UGT2A2: variants seen among roughly 807,000 people sequenced by gnomAD.
The protein encoded by UGT2A2 is UDP-glucuronosyltransferase 2A2.
Under a neutral mutation model 50.7 loss-of-function variants are expected in UGT2A2, and 60 were observed. The observed-to-expected ratio is 1.18, with a 90% CI of 0.96 to 1.47. The LOEUF (loss-of-function observed/expected upper bound fraction) is 1.47, where lower values mean the gene tolerates loss of function less well. Ranked by LOEUF, UGT2A2 falls within the 40% of genes most tolerant of loss-of-function variation. UGT2A2 has a pLI of 0.00. For missense variants in UGT2A2, 762 were observed against 634.0 expected, an observed-to-expected ratio of 1.20 and a Z score of -2.17; for synonymous variants, 242 against 214.6, an observed-to-expected ratio of 1.13 and a Z score of -1.11.
At chr4:69,631,650 G>C (rs373611610) in intron 1 of UGT2A2, among the ~76,000 whole-genome samples, 1 of 152,288 alleles carries the variant, frequency 6.6e-6, no homozygotes, top group East Asian at 1.9e-4. Flanking sequence ...CAAGCAAGGA[G>C]AGGAGTGTGT....
intron 1 of UGT2A2, among the ~76,000 whole-genome samples, chr4:69,619,255 G>T (rs1288840711): frequency 6.6e-6 from 1 of 151,584 alleles, no homozygotes; most frequent in Non-Finnish European, 1.5e-5. Flanking sequence ...TAAAAAATTA[G>T]CCAAGTGTGG....
chr4:69,607,611 C>T (rs1392923607), intron 1 of UGT2A2, among the ~76,000 whole-genome samples: 3 of 152,076 alleles, frequency 2.0e-5, no homozygotes, highest in Non-Finnish European at 4.4e-5. Flanking sequence ...GGAAAAGAAA[C>T]TACCATCAGA....
rs1333188977 is a variant in UGT2A2, at chr4:69,606,747, CA to C, written c.743-7354del. On this transcript the variant is annotated intron_variant, in intron 1 of 5. Coordinates refer to ENST00000604629, the MANE Select transcript of UGT2A2 (RefSeq NM_001105677.2). ...AGTCTCAGGATACAAAATCAATGTGCAAAAATCACAAGCATTCTTATACACC... is the reference window on the plus strand; with the variant it reads ...AGTCTCAGGATACAAAATCAATGTGCAAAATCACAAGCATTCTTATACACC... 1.5e-5 allele frequency among the ~76,000 whole-genome samples: 2 copies of C among 136,534 alleles called. 1 individual carries two copies. The highest frequency in any genetic ancestry group is 3.1e-5 in the Non-Finnish European group (2 of 64,258). The allele number at this position is 136,534 out of a possible 152,430, so 89.6% of individuals were successfully genotyped here.
intron 1 of UGT2A2, among the ~76,000 whole-genome samples, chr4:69,602,154 A>G (rs1209001052): frequency 7.3e-6 from 1 of 136,200 alleles, no homozygotes; most frequent in Non-Finnish European, 1.6e-5. Context: ...AAAACTGAAA[A>G]GTAGATAAGT....
chr4:69,635,843 A>AC (rs1721665050), intron 1 of UGT2A2: 1 of 136,538 alleles, frequency 7.3e-6, no homozygotes, highest in African/African-American at 3.5e-5. Context: ...AAAAAAAAAA[A>AC]AAAAAAAGAG....
chr4:69,590,546 T>C (rs2109871777), intron 5 of UGT2A2, among the ~76,000 whole-genome samples: 1 of 152,120 alleles, frequency 6.6e-6, no homozygotes, highest in Middle Eastern at 3.4e-3. Flanking sequence ...TGGCAGGACA[T>C]TGTTAGGACT....
chr4:69,627,309 G>A (rs1451595123), intron 1 of UGT2A2, among the ~76,000 whole-genome samples: 5 of 151,790 alleles, frequency 3.3e-5, no homozygotes, highest in Admixed American at 2.0e-4. Context: ...AAAAATATTT[G>A]TCTTATAAAT....
chr4:69,593,073 A>C (rs1577940809), intron 5 of UGT2A2, among the ~76,000 whole-genome samples: 1 of 152,138 alleles, frequency 6.6e-6, no homozygotes, highest in African/African-American at 2.4e-5. Flanking sequence ...ACAGGTCTGA[A>C]GGAAAGAAAG....
At chr4:69,592,146 G>A (rs775173024) in intron 5 of UGT2A2, among the ~76,000 whole-genome samples, 3 of 152,088 alleles carry the variant, frequency 2.0e-5, no homozygotes, top group South Asian at 2.1e-4. Context: ...ATGTTTTTAA[G>A]CAGGTTACTT....
intron 1 of UGT2A2, among the ~76,000 whole-genome samples, chr4:69,634,968 G>T (rs1429050584): frequency 6.6e-6 from 1 of 151,972 alleles, no homozygotes; most frequent in African/African-American, 2.4e-5. Flanking sequence ...TTAGTTCTAA[G>T]AATCCATCTA....
At chr4:69,607,868 A>T (rs1333157523) in intron 1 of UGT2A2, among the ~76,000 whole-genome samples, 1 of 152,206 alleles carries the variant, frequency 6.6e-6, no homozygotes, top group Non-Finnish European at 1.5e-5. Context: ...AACCACAATG[A>T]GATACCATCT....
intron 1 of UGT2A2, among the ~76,000 whole-genome samples, 167 bp downstream of exon 1, chr4:69,638,732 T>C (rs1721864021): frequency 6.6e-6 from 1 of 152,136 alleles, no homozygotes; most frequent in Non-Finnish European, 1.5e-5. Flanking sequence ...CATTTCATTG[T>C]TAAGGATTTA....
intron 1 of UGT2A2, among the ~76,000 whole-genome samples, chr4:69,624,960 G>T (rs1720957358): frequency 6.6e-6 from 1 of 151,152 alleles, no homozygotes; most frequent in African/African-American, 2.4e-5. Flanking sequence ...TCTTCAAGAA[G>T]TGGTGGTCTA....
intron 1 of UGT2A2, among the ~76,000 whole-genome samples, chr4:69,627,566 GAAAGAA>G (rs1259272980): frequency 2.8e-5 from 4 of 144,966 alleles, no homozygotes; most frequent in African/African-American, 7.7e-5. Flanking sequence ...GAGAGAGAGA[GAAAGAA>G]AGAGAGAAAG....
intron 1 of UGT2A2, among the ~76,000 whole-genome samples, chr4:69,622,848 C>T (rs1277095655): frequency 6.6e-6 from 1 of 151,764 alleles, no homozygotes; most frequent in Non-Finnish European, 1.5e-5. Flanking sequence ...GTCTTGGCTT[C>T]GGTGTAGGAC....
At chr4:69,607,401 C>T (rs1719705116) in intron 1 of UGT2A2, among the ~76,000 whole-genome samples, 1 of 151,810 alleles carries the variant, frequency 6.6e-6, no homozygotes, top group Non-Finnish European at 1.5e-5. Context: ...TTCCTTACAC[C>T]TTATACAAAA....
intron 1 of UGT2A2, among the ~76,000 whole-genome samples, chr4:69,629,282 G>A (rs1451527496): frequency 2.0e-5 from 3 of 152,132 alleles, no homozygotes; most frequent in Non-Finnish European, 4.4e-5. Flanking sequence ...TTCAGGAGGT[G>A]TACTGCAAAG....
chr4:69,622,297 A>G (rs1000990867), intron 1 of UGT2A2, among the ~76,000 whole-genome samples: 4 of 151,868 alleles, frequency 2.6e-5, no homozygotes, highest in South Asian at 2.1e-4. Context: ...TAACACCACA[A>G]AGATGGGAAA....
At chr4:69,636,203 G>A (rs1285317030) in intron 1 of UGT2A2, among the ~76,000 whole-genome samples, 1 of 152,066 alleles carries the variant, frequency 6.6e-6, no homozygotes, top group East Asian at 1.9e-4. Context: ...ACACAGAACT[G>A]AAGAACAACT....
Sources: allele counts gnomAD v4.1 joint callset (sites outside exome capture counted in the v4.1 genomes callset), GRCh38; gene constraint gnomAD v4.1.1; transcripts MANE v1.5; gene names NCBI Gene and HGNC (gene_info 2026-07-23, HGNC 2026-07-21).